TSPAN15: variants seen among roughly 807,000 people sequenced by gnomAD.
TSPAN15 encodes the protein tetraspanin-15.
Under a neutral mutation model 34.5 loss-of-function variants are expected in TSPAN15, and 20 were observed. The ratio of observed to expected loss-of-function variants is 0.58; its 90% confidence interval spans 0.41 to 0.84. TSPAN15 has a LOEUF of 0.84. Among genes scored for constraint, TSPAN15 ranks in the 40% least tolerant of loss-of-function variants. The probability of loss-of-function intolerance (pLI) is 0.00; values close to 1 mark genes in which losing one functional copy is unlikely to be tolerated. For missense variants in TSPAN15, 313 were observed against 386.1 expected (o/e 0.81, Z 1.59); for synonymous variants, 155 against 153.9 (o/e 1.01, Z -0.05).
chr10:69,464,656 C>T (rs148817622), intron 1 of TSPAN15, among the ~76,000 whole-genome samples: 255 of 152,300 alleles, frequency 1.7e-3, no homozygotes, highest in African/African-American at 5.6e-3. Context: ...AGGAGCGTCA[C>T]CCATTGTGTG....
intron 1 of TSPAN15, among the ~76,000 whole-genome samples, chr10:69,455,584 T>TTC (rs1841076553): frequency 3.2e-5 from 4 of 123,844 alleles, no homozygotes; most frequent in South Asian, 2.6e-4. Context: ...TTTTCTTTCT[T>TTC]TCTTTCTCTT....
rs774085132 is a variant in TSPAN15, at chr10:69,507,243, G to T, written c.*265G>T. On this transcript the variant is annotated 3_prime_UTR_variant, in exon 8 of 8. Coordinates refer to ENST00000373290, the MANE Select transcript of TSPAN15 (RefSeq NM_012339.5). ...GGGAACAAGGCCCTCCTTTCTCCAG[G>T]CCTGGGCTACGGGGGAGGGAGAGCC... The T allele has an allele frequency of 1.3e-5, 18 of 1,379,534 alleles. No individual in the cohort carries two copies. The highest frequency in any genetic ancestry group is 2.7e-4 in the Middle Eastern group (1 of 3,650). The allele number at this position is 1,379,534 out of a possible 1,614,324, so 85.5% of individuals were successfully genotyped here. A position where few individuals can be genotyped will look rare whatever the true frequency, so the allele number is the denominator to read the frequency against.
intron 3 of TSPAN15, chr10:69,495,244 C>G (rs1340906707): frequency 9.4e-6 from 2 of 212,554 alleles, no homozygotes; most frequent in Non-Finnish European, 1.9e-5. Context: ...GGAACCAGGA[C>G]AGCCAGGTCT....
At chr10:69,494,554 G>A (rs1842037072) in intron 3 of TSPAN15, 1 of 841,134 alleles carries the variant, frequency 1.2e-6, no homozygotes, top group South Asian at 5.4e-5. Flanking sequence ...CAGCCCCTCT[G>A]AGACTTGGTT....
intron 5 of TSPAN15, among the ~76,000 whole-genome samples, chr10:69,500,551 T>C (rs574133792): frequency 6.6e-6 from 1 of 152,164 alleles, no homozygotes; most frequent in South Asian, 2.1e-4. Context: ...ATTCAAAGGC[T>C]GGTCAGGCTT....
At chr10:69,471,625 G>T (rs114032646) in intron 1 of TSPAN15, among the ~76,000 whole-genome samples, 1,565 of 113,342 alleles carry the variant, frequency 0.014, 25 homozygotes, top group African/African-American at 0.044. Context: ...CTTCTCTTTC[G>T]ACTCTGGTAC....
rs1842354554 is a variant in TSPAN15, at chr10:69,507,367, C to T, written c.*389C>T. 8.3e-7 allele frequency: 1 copy of T among 1,211,180 alleles called. No homozygotes were observed. Among genetic ancestry groups the T allele is most frequent in the Admixed American group, 3.6e-5 (1 of 27,832 alleles). The allele number at this position is 1,211,180 out of a possible 1,614,324, so 75.0% of individuals were successfully genotyped here. On this transcript the variant is annotated 3_prime_UTR_variant, in exon 8 of 8. Transcript: ENST00000373290. ...CTGTAATTGGGGAGAGGGAGTGTGC[C>T]CCTCGGGGCAGGAGGGAAGGGCATC...
At chr10:69,542,073 C>T in the TSPAN15 span, among the ~76,000 whole-genome samples, 2 of 152,196 alleles carry the variant, frequency 1.3e-5, no homozygotes, top group Admixed American at 6.5e-5. Flanking sequence ...CTTTTATGCT[C>T]TGCTTCCTCT....
chr10:69,500,325 C>A (rs1273262089), intron 5 of TSPAN15, among the ~76,000 whole-genome samples: 1 of 152,178 alleles, frequency 6.6e-6, no homozygotes, highest in Non-Finnish European at 1.5e-5. Context: ...ACACTCCCAC[C>A]CACATTGACC....
rs1842127206 is a variant in TSPAN15 at position 69,498,218 on chromosome 10, C to T, written c.454-62C>T. 7 of 1,494,878 alleles carry T rather than the reference C, an allele frequency of 4.7e-6. No individual in the cohort carries two copies. The South Asian group carries it at 7.9e-5, about 17-fold the overall frequency. 92.6% of individuals were successfully genotyped at this position (1,494,878 alleles called of 1,614,324 possible). On this transcript the variant is annotated intron_variant, in intron 4 of 7. Coordinates refer to ENST00000373290, the MANE Select transcript of TSPAN15 (RefSeq NM_012339.5). ...CTCCGTCTCCTGACAGGGCCCCTTC[C>T]TGTCGTCTGAGCAGGGCCTGGGCGA...
At chr10:69,518,688 C>T in the TSPAN15 span, among the ~76,000 whole-genome samples, 2 of 152,326 alleles carry the variant, frequency 1.3e-5, no homozygotes, top group African/African-American at 4.8e-5. Flanking sequence ...TCCTAAAGTG[C>T]TGGGATTACA....
At position 69,474,605 on chromosome 10, in the gene TSPAN15, A is replaced by G. The variant is rs539190424; in HGVS notation, c.97-9086A>G. ...ATTGGGTGCTGTGGGCTGCAGAGGG[A>G]CACAGTCCTGGCCAGAGGAAGGAGG... On this transcript the variant is annotated intron_variant, in intron 1 of 7. Coordinates refer to ENST00000373290, the MANE Select transcript of TSPAN15 (RefSeq NM_012339.5). Among the ~76,000 whole-genome samples the G allele has an allele frequency of 5.6e-4, 85 of 152,078 alleles. No individual in the cohort carries two copies. The East Asian group carries it at 0.01, about 18-fold the overall frequency.
the TSPAN15 span, among the ~76,000 whole-genome samples, chr10:69,518,929 C>T: frequency 6.6e-6 from 1 of 152,160 alleles, no homozygotes; most frequent in African/African-American, 2.4e-5. Flanking sequence ...CAGATGAGCC[C>T]TAGAGACAGT....
rs1425116174 is a variant in TSPAN15 at position 69,507,026 on chromosome 10, CCT to C, written c.*52_*53del. On this transcript the variant is annotated 3_prime_UTR_variant, in exon 8 of 8. Coordinates refer to ENST00000373290, the MANE Select transcript of TSPAN15 (RefSeq NM_012339.5). ...CCAACAAGGACCGTCTGGGATAGCA[CCT>C]CTCAGTCAACATCGTGGGGCTGGAC... 1 of 1,588,018 alleles carries C rather than the reference CCT, an allele frequency of 6.3e-7. No homozygotes were observed. Among genetic ancestry groups the C allele is most frequent in the South Asian group, 1.2e-5 (1 of 86,840 alleles).
At chr10:69,512,459 A>C (rs1485612394), downstream of TSPAN15, among the ~76,000 whole-genome samples, 5 of 152,242 alleles carry the variant, frequency 3.3e-5, no homozygotes, top group Admixed American at 3.3e-4. Context: ...ACTGGATATA[A>C]AATAAACTGC....
In TSPAN15 at chr10:69,471,140, G is replaced by A. The variant is rs762817910; in HGVS notation, c.97-12551G>A. On this transcript the variant is annotated intron_variant, in intron 1 of 7. Coordinates refer to ENST00000373290, the MANE Select transcript of TSPAN15 (RefSeq NM_012339.5). Reference sequence around the variant, plus strand: ...TTCTTACTTATTTGCCTCTGCGCAAGTAGAATGTGAGCTCCACCAAAGCTG... The same window carrying A: ...TTCTTACTTATTTGCCTCTGCGCAAATAGAATGTGAGCTCCACCAAAGCTG... 1.8e-3 allele frequency among the ~76,000 whole-genome samples: 268 copies of A among 152,194 alleles called. 2 individuals carry two copies. Among genetic ancestry groups the A allele is most frequent in the Non-Finnish European group, 1.2e-3 (80 of 68,046 alleles).
chr10:69,529,836 A>T, the TSPAN15 span, among the ~76,000 whole-genome samples: 5 of 143,224 alleles, frequency 3.5e-5, no homozygotes, highest in Non-Finnish European at 1.5e-5. Flanking sequence ...TTTATTCCTC[A>T]CCCCCCTCCC....
rs569850312 is a variant in TSPAN15 at position 69,459,192 on chromosome 10, TG to T, written c.96+7504del. Among the ~76,000 whole-genome samples the T allele has an allele frequency of 3.6e-3, 474 of 132,874 alleles. 6 individuals carry two copies. The highest frequency in any genetic ancestry group is 0.012 in the African/African-American group (451 of 37,766). 87.2% of individuals were successfully genotyped at this position (132,874 alleles called of 152,430 possible). ...GAATGGGTTTGAATTGACTTCTTGTTGGAAGGCAGGAGCATTCAGTCTTAAC... is the reference window on the plus strand; with the variant it reads ...GAATGGGTTTGAATTGACTTCTTGTTGAAGGCAGGAGCATTCAGTCTTAAC... On this transcript the variant is annotated intron_variant, in intron 1 of 7. Coordinates refer to ENST00000373290, the MANE Select transcript of TSPAN15 (RefSeq NM_012339.5).
downstream of TSPAN15, chr10:69,507,716 G>A (rs1339298725): frequency 8.5e-7 from 1 of 1,179,078 alleles, no homozygotes. Flanking sequence ...GGTAAGGAAG[G>A]CTGCAACCTG....
Sources: allele counts gnomAD v4.1 joint callset (sites outside exome capture counted in the v4.1 genomes callset), GRCh38; gene constraint gnomAD v4.1.1; transcripts MANE v1.5; gene names NCBI Gene and HGNC (gene_info 2026-07-23, HGNC 2026-07-21).